The following MYBPHL variants were observed in gnomAD, a reference collection of about 807,000 sequenced individuals.
MYBPHL encodes myosin binding protein H like, also known as myosin-binding protein H-like.
MYBPHL carries 32 observed loss-of-function variants against 39.5 expected under a neutral mutation model. The observed-to-expected ratio is 0.81, with a 90% CI of 0.61 to 1.09. MYBPHL has a LOEUF of 1.09. MYBPHL is among the 50% of genes least tolerant of loss of function. The probability of loss-of-function intolerance (pLI) is 0.00; values close to 1 mark genes in which losing one functional copy is unlikely to be tolerated. For missense variants in MYBPHL, 456 were observed against 460.2 expected, an observed-to-expected ratio of 0.99 and a Z score of 0.08; for synonymous variants, 196 against 183.7, an observed-to-expected ratio of 1.07 and a Z score of -0.54.
rs1054591831 is a variant in MYBPHL at position 109,297,748 on chromosome 1, G to T, written c.235-131C>A. On this transcript the variant is annotated intron_variant, in intron 2 of 8. Coordinates refer to ENST00000357155, the MANE Select transcript of MYBPHL (RefSeq NM_001010985.3). ...GAGCTGCACATTCCTTGAGTTAGAAGTTGGTGGACCCTCCCGGGGGCCTCC... is the reference window on the plus strand; with the variant it reads ...GAGCTGCACATTCCTTGAGTTAGAATTTGGTGGACCCTCCCGGGGGCCTCC... The T allele has an allele frequency of 1.4e-5, 11 of 801,564 alleles. No homozygotes were observed. The African/African-American group carries it at 1.4e-4, about 10-fold the overall frequency. The allele number at this position is 801,564 out of a possible 1,614,324, so 49.7% of individuals were successfully genotyped here.
At chr1:109,297,258 C>G in intron 3 of MYBPHL, 69 bp from the exon 4 acceptor site, 1 of 1,606,492 alleles carries the variant, frequency 6.2e-7, no homozygotes, top group South Asian at 1.1e-5. Context: ...TCAGGAGTGC[C>G]CTAGCCCCTT....
In MYBPHL at chr1:109,296,860, C is replaced by A; in HGVS notation, c.653G>T (p.Arg218Leu). The change falls in exon 5 of 9, where the codon CGT (arginine) becomes CTT (leucine). Residue 218 changes from arginine (R) to leucine (L), a missense_variant. Transcript: ENST00000357155. ...DLIIGNSYAF[R>L]VFAENQCGLS... ...TCCGCACTGGTTTTCAGCAAAGACACGGAAGGCATAGGAGTTGCCGATGAT... is the reference window on the plus strand; with the variant it reads ...TCCGCACTGGTTTTCAGCAAAGACAAGGAAGGCATAGGAGTTGCCGATGAT... The A allele has an allele frequency of 6.2e-7, 1 of 1,614,128 alleles. No individual in the cohort carries two copies. Among genetic ancestry groups the A allele is most frequent in the Non-Finnish European group, 8.5e-7 (1 of 1,180,028 alleles).
rs646335 is a variant in MYBPHL, at chr1:109,294,220, C to A, written c.*19G>T. The A allele has an allele frequency of 1.7e-5, 27 of 1,599,450 alleles. No individual in the cohort carries two copies. Among genetic ancestry groups the A allele is most frequent in the Admixed American group, 1.3e-4 (8 of 59,956 alleles). ...TCTTTACTTACCTTTGTCAGAGTAC[C>A]ATGCCTTCTTAGGTGTCCTCAATTA... On this transcript the variant is annotated 3_prime_UTR_variant, in exon 8 of 9. Coordinates refer to ENST00000357155, the MANE Select transcript of MYBPHL (RefSeq NM_001010985.3).
At chr1:109,301,198 A>T (rs1341431386) in intron 1 of MYBPHL, among the ~76,000 whole-genome samples, 1 of 152,210 alleles carries the variant, frequency 6.6e-6, no homozygotes, top group Admixed American at 6.5e-5. Context: ...GCTTCCCCTG[A>T]TGCCCAAGGT....
intron 7 of MYBPHL, 135 bp downstream of exon 7, chr1:109,294,976 G>T: frequency 1.5e-6 from 1 of 685,802 alleles, no homozygotes; most frequent in Non-Finnish European, 2.4e-6. Flanking sequence ...ACATCCTGAT[G>T]ATGACAGTGA....
intron 5 of MYBPHL, 105 bp downstream of exon 5, chr1:109,296,678 A>AT (rs905899427): frequency 5.9e-6 from 8 of 1,349,150 alleles, no homozygotes; most frequent in Non-Finnish European, 8.4e-6. Flanking sequence ...ACCTCAGGTG[A>AT]TCCGCCTGCC....
In MYBPHL at chr1:109,292,464, A is replaced by C. The variant is rs1657900027; in HGVS notation, c.*158T>G. 1 of 152,244 alleles carries C rather than the reference A, an allele frequency of 6.6e-6. No individual in the cohort carries two copies. The highest frequency in any genetic ancestry group is 6.5e-5 in the Admixed American group (1 of 15,282). The allele number at this position is 152,244 out of a possible 1,614,324, so 9.4% of individuals were successfully genotyped here. On this transcript the variant is annotated 3_prime_UTR_variant, in exon 9 of 9. Transcript: ENST00000357155. ...CACCACTGGCGGGCTTCCTGGAGGC[A>C]CTGAAAAGAGGGAGCACTTTGTAGC...
chr1:109,301,655 C>T (rs895962938), intron 1 of MYBPHL, among the ~76,000 whole-genome samples: 17 of 151,892 alleles, frequency 1.1e-4, no homozygotes, highest in African/African-American at 3.6e-4. Context: ...GCAGGAAAAT[C>T]GCTTGAACCT....
chr1:109,297,186 C>G lies in MYBPHL; in HGVS notation c.434G>C (p.Arg145Thr). 6.2e-7 allele frequency: 1 copy of G among 1,614,220 alleles called. No individual in the cohort carries two copies. Among genetic ancestry groups the G allele is most frequent in the Non-Finnish European group, 8.5e-7 (1 of 1,180,038 alleles). Residue 145 changes from arginine (R) to threonine (T), a missense_variant, in exon 4 of 9, where the codon AGG (arginine) becomes ACG (threonine). Arg to Thr is a moderately conservative substitution (Grantham distance 71, BLOSUM62 -1). Coordinates refer to ENST00000357155, the MANE Select transcript of MYBPHL (RefSeq NM_001010985.3). ...TATIDILVIERPGPPQSIKLV... is the reference protein window; with the variant it reads ...TATIDILVIETPGPPQSIKLV... ...CTTAATACTCTGAGGAGGGCCTGGC[C>G]TCTCTGAAAGGGCAAAGCCATGGCA...
At chr1:109,306,350 C>T (rs1658469083) in intron 1 of MYBPHL, among the ~76,000 whole-genome samples, 1 of 152,130 alleles carries the variant, frequency 6.6e-6, no homozygotes, top group Admixed American at 6.5e-5. Flanking sequence ...CCTATGGGAG[C>T]AGTGGGGGAT....
chr1:109,296,496 T>G (rs1658069672), intron 5 of MYBPHL, 126 bp from the exon 6 acceptor site: 1 of 1,228,680 alleles, frequency 8.1e-7, no homozygotes, highest in African/African-American at 1.5e-5. Flanking sequence ...TGGAGTGCAG[T>G]GGCACGATCT....
rs568738012 is a variant in MYBPHL, at chr1:109,293,957, G to A, written c.*33+249C>T. Reference sequence around the variant, plus strand: ...CGGGCGCCTGTCATCCCAGCTACTCGAGAGGTTGAGGCACAAGAATTGCTT... The same window carrying A: ...CGGGCGCCTGTCATCCCAGCTACTCAAGAGGTTGAGGCACAAGAATTGCTT... On this transcript the variant is annotated intron_variant, in intron 8 of 8. Coordinates refer to ENST00000357155, the MANE Select transcript of MYBPHL (RefSeq NM_001010985.3). 2.0e-5 allele frequency among the ~76,000 whole-genome samples: 3 copies of A among 151,490 alleles called. No individual in the cohort carries two copies. In the East Asian group the frequency reaches 5.9e-4, roughly 30 times the overall value.
intron 1 of MYBPHL, among the ~76,000 whole-genome samples, chr1:109,304,435 G>T (rs1416761984): frequency 6.6e-6 from 1 of 152,212 alleles, no homozygotes; most frequent in Non-Finnish European, 1.5e-5. Context: ...GAAGTCAGCA[G>T]ATGGGCTCTT....
At chr1:109,301,157 G>T (rs2101483570) in intron 1 of MYBPHL, among the ~76,000 whole-genome samples, 1 of 152,296 alleles carries the variant, frequency 6.6e-6, no homozygotes, top group Non-Finnish European at 1.5e-5. Flanking sequence ...GTCAAGCGAG[G>T]TGTAAATTGT....
chr1:109,294,737 A>C (rs1657992592), intron 7 of MYBPHL, among the ~76,000 whole-genome samples: 1 of 152,138 alleles, frequency 6.6e-6, no homozygotes, highest in African/African-American at 2.4e-5. Flanking sequence ...GCTGAGTCAG[A>C]AGATTGCACA....
chr1:109,306,063 T>C (rs956864042), intron 1 of MYBPHL, among the ~76,000 whole-genome samples: 2 of 152,340 alleles, frequency 1.3e-5, no homozygotes, highest in South Asian at 2.1e-4. Flanking sequence ...GTATATCTTT[T>C]CCCCTGCCTC....
In MYBPHL at chr1:109,292,372, G is replaced by A. The variant is rs1157431511; in HGVS notation, c.*250C>T. 1 of 152,206 alleles carries A rather than the reference G, an allele frequency of 6.6e-6. No homozygotes were observed. The highest frequency in any genetic ancestry group is 2.4e-5 in the African/African-American group (1 of 41,450). The allele number at this position is 152,206 out of a possible 1,614,324, so 9.4% of individuals were successfully genotyped here. ...AATACAGGGACACGTAGGCACTGGG[G>A]AACCACATATTTATTTAGATGAATC... is the stretch of plus-strand genomic sequence containing the variant. On this transcript the variant is annotated 3_prime_UTR_variant, in exon 9 of 9. Coordinates refer to ENST00000357155, the MANE Select transcript of MYBPHL (RefSeq NM_001010985.3).
intron 2 of MYBPHL, 72 bp downstream of exon 2, chr1:109,298,097 T>C: frequency 7.8e-7 from 1 of 1,285,548 alleles, no homozygotes. Flanking sequence ...GCAGGACTCT[T>C]GGTATCTGTT....
At chr1:109,298,709 C>G (rs1658175995) in intron 1 of MYBPHL, among the ~76,000 whole-genome samples, 1 of 152,096 alleles carries the variant, frequency 6.6e-6, no homozygotes, top group South Asian at 2.1e-4. Flanking sequence ...AGGTGTGGGT[C>G]TCAGGAGAAT....
Sources: gnomAD v4.1 joint callset for allele counts (sites outside exome capture counted in the v4.1 genomes callset) on GRCh38, gnomAD v4.1.1 for gene constraint, MANE v1.5 for transcripts, NCBI Gene and HGNC (gene_info 2026-07-23, HGNC 2026-07-21) for gene names.